The following AVEN variants were observed in gnomAD, a reference collection of about 807,000 sequenced individuals.
The protein encoded by AVEN is apoptosis and caspase activation inhibitor.
A neutral mutation model predicts 38.1 loss-of-function variants in AVEN; 41 were observed. The ratio of observed to expected loss-of-function variants is 1.08; its 90% confidence interval spans 0.84 to 1.40. The LOEUF is 1.40. Among genes scored for constraint, AVEN ranks in the 40% most tolerant of loss-of-function variants. The probability of loss-of-function intolerance (pLI) is 0.00; values close to 1 mark genes in which losing one functional copy is unlikely to be tolerated. For missense variants in AVEN, 605 were observed against 438.8 expected (o/e 1.38, Z -3.38); for synonymous variants, 206 against 171.8 (o/e 1.20, Z -1.56).
At chr15:34,058,440 A>AAACTAAG (rs1020896814) in intron 5 of AVEN, among the ~76,000 whole-genome samples, 1 of 152,094 alleles carries the variant, frequency 6.6e-6, no homozygotes, top group African/African-American at 2.4e-5. Context: ...CAACAAACCT[A>AAACTAAG]AACTAAGTTG....
At chr15:33,885,423 T>C (rs1051349352) in intron 2 of AVEN, among the ~76,000 whole-genome samples, 1 of 152,192 alleles carries the variant, frequency 6.6e-6, no homozygotes, top group Non-Finnish European at 1.5e-5. Flanking sequence ...GATTCAGCCT[T>C]TGTAGATGCA....
intron 1 of AVEN, among the ~76,000 whole-genome samples, chr15:34,034,352 G>A (rs1443526097): frequency 1.3e-5 from 2 of 151,418 alleles, no homozygotes; most frequent in East Asian, 1.9e-4. Flanking sequence ...GAGATGGGAG[G>A]ATCCCTTGAG....
At chr15:34,025,994 G>A (rs2632079) in intron 1 of AVEN, among the ~76,000 whole-genome samples, 95,370 of 151,976 alleles carry the variant, frequency 0.63, 34,918 homozygotes, top group Non-Finnish European at 0.82. Flanking sequence ...TTGTAGAATC[G>A]TCTTTTCAAA....
In AVEN at chr15:34,010,522, G is replaced by A. The variant is rs138624738; in HGVS notation, c.268-7313C>T. 4.2e-3 allele frequency among the ~76,000 whole-genome samples: 632 copies of A among 152,152 alleles called. 5 individuals are homozygous for A. The highest frequency in any genetic ancestry group is 0.014 in the African/African-American group (580 of 41,524). On this transcript the variant is annotated intron_variant, in intron 1 of 5. Coordinates refer to ENST00000306730, the MANE Select transcript of AVEN (RefSeq NM_020371.3). ...AGGTCCCTGGTTCTACTTTCTTCTG[G>A]AGCAAAAAGGTATAGAAAAGGCTTT...
chr15:34,057,129 TTG>T (rs1491538825), intron 5 of AVEN, among the ~76,000 whole-genome samples: 3 of 50,610 alleles, frequency 5.9e-5, no homozygotes, highest in Admixed American at 2.1e-4. Context: ...GAGAAGAGTT[TTG>T]GTTTTTTTTG....
rs33928063 is a variant in AVEN at position 33,918,458 on chromosome 15, C to CTTTTTTTTTTT, written c.446-42474_446-42464dup. 1.3e-4 allele frequency among the ~76,000 whole-genome samples: 11 copies of CTTTTTTTTTTT among 84,504 alleles called. 2 individuals carry two copies. In the South Asian group the frequency reaches 2.8e-3, roughly 21 times the overall value. 55.4% of individuals were successfully genotyped at this position (84,504 alleles called of 152,430 possible). A position where few individuals can be genotyped will look rare whatever the true frequency, so the allele number is the denominator to read the frequency against. On this transcript the variant is annotated intron_variant, in intron 2 of 5. Coordinates refer to ENST00000306730, the MANE Select transcript of AVEN (RefSeq NM_020371.3). ...GTGTCTTCCCAGTCTTAAATTACAG[C>CTTTTTTTTTTT]TTTTTTTTTTTTTTTTTTTTTTTTT...
rs1274150306 is a variant in AVEN at position 33,866,427 on chromosome 15, C to A, written c.*186G>T. On this transcript the variant is annotated 3_prime_UTR_variant, in exon 6 of 6. Coordinates refer to ENST00000306730, the MANE Select transcript of AVEN (RefSeq NM_020371.3). The stretch of plus-strand genomic sequence containing the variant: ...GATTACTAAGCCAGAAAAACAAATG[C>A]AACAAGCTGCTTCAATGTATTCTTT... The A allele has an allele frequency of 1.2e-5, 7 of 587,200 alleles. No homozygotes were observed. Among genetic ancestry groups the A allele is most frequent in the Non-Finnish European group, 1.8e-5 (6 of 331,768 alleles). The allele number at this position is 587,200 out of a possible 1,614,324, so 36.4% of individuals were successfully genotyped here. A position where few individuals can be genotyped will look rare whatever the true frequency, so the allele number is the denominator to read the frequency against.
intron 2 of AVEN, among the ~76,000 whole-genome samples, chr15:34,001,775 C>T (rs1343198122): frequency 1.3e-5 from 2 of 152,152 alleles, no homozygotes; most frequent in Non-Finnish European, 2.9e-5. Flanking sequence ...CGGAAAAGCA[C>T]ATTCTATTAA....
At chr15:34,055,102 G>A (rs1312677240) in intron 5 of AVEN, among the ~76,000 whole-genome samples, 1 of 151,690 alleles carries the variant, frequency 6.6e-6, no homozygotes, top group Non-Finnish European at 1.5e-5. Context: ...TGAGGCAGGA[G>A]AATCACTTGA....
At chr15:33,937,208 T>C (rs1010938768) in intron 2 of AVEN, among the ~76,000 whole-genome samples, 2 of 149,990 alleles carry the variant, frequency 1.3e-5, no homozygotes, top group Admixed American at 6.7e-5. Flanking sequence ...CTGATTCAAT[T>C]AGATGCTGGG....
intron 1 of AVEN, among the ~76,000 whole-genome samples, chr15:34,033,701 G>C (rs1898971194): frequency 6.6e-6 from 1 of 152,110 alleles, no homozygotes; most frequent in Non-Finnish European, 1.5e-5. Context: ...TGTTGAATAA[G>C]GTTCTGTGGG....
At chr15:33,913,748 A>G (rs1184405866) in intron 2 of AVEN, among the ~76,000 whole-genome samples, 1 of 152,234 alleles carries the variant, frequency 6.6e-6, no homozygotes, top group Non-Finnish European at 1.5e-5. Context: ...TAAAGTCAAG[A>G]GCAAGGTAAG....
intron 2 of AVEN, among the ~76,000 whole-genome samples, chr15:33,986,524 G>T (rs973998912): frequency 6.6e-6 from 1 of 152,090 alleles, no homozygotes. Context: ...AAAGTAAGAG[G>T]TAAAGAAAGC....
At chr15:34,072,566 G>GC (rs1567498043) in intron 1 of AVEN, among the ~76,000 whole-genome samples, 3 of 108 alleles carry the variant, frequency 0.028, no homozygotes, top group Non-Finnish European at 0.25. Flanking sequence ...GTCAAGATCT[G>GC]GCCACTGCAC....
chr15:34,038,787 C>A lies in AVEN; in HGVS notation c.260G>T (p.Ser87Ile). 1 of 1,184,386 alleles carries A rather than the reference C, an allele frequency of 8.4e-7. No individual in the cohort carries two copies. Among genetic ancestry groups the A allele is most frequent in the Non-Finnish European group, 1.0e-6 (1 of 957,762 alleles). The allele number at this position is 1,184,386 out of a possible 1,614,324, so 73.4% of individuals were successfully genotyped here. A position where few individuals can be genotyped will look rare whatever the true frequency, so the allele number is the denominator to read the frequency against. ...CCAGCCGTCGCCTCTTACCGGCGCG[C>A]TGGCCCCTGCGCCCCAGCCTCCCGG... is the stretch of plus-strand genomic sequence containing the variant. ...REPGGWGAGA[S>I]APVEDDSDAE... Residue 87 changes from serine to isoleucine, a missense_variant, in exon 1 of 6, where the codon AGC (serine) becomes ATC (isoleucine). By Grantham distance (142) the Ser-to-Ile change is moderately radical. Coordinates refer to ENST00000306730, the MANE Select transcript of AVEN (RefSeq NM_020371.3).
intron 11 of AVEN, chr15:33,859,691 T>C (rs1440955268): frequency 1.2e-6 from 2 of 1,613,346 alleles, no homozygotes; most frequent in Admixed American, 3.3e-5. Context: ...ACATTACCTT[T>C]TTCTTCTTCG....
intron 1 of AVEN, among the ~76,000 whole-genome samples, chr15:34,008,950 G>GCA (rs1491109996): frequency 0.093 from 2,193 of 23,508 alleles, 39 homozygotes; most frequent in South Asian, 0.19. Context: ...ACACGTGCGC[G>GCA]CGCGCACACA....
At position 33,867,349 on chromosome 15, in the gene AVEN, G is replaced by A. The variant is rs533975083; in HGVS notation, c.973+146C>T. On this transcript the variant is annotated intron_variant, in intron 5 of 5. Coordinates refer to ENST00000306730, the MANE Select transcript of AVEN (RefSeq NM_020371.3). ...AAAGGTCAGCTCAGGGGGAAGCAGA[G>A]ACGTGAGCACAGAAATAGATGTCAG... 4.3e-6 allele frequency: 5 copies of A among 1,175,694 alleles called. No homozygotes were observed. The African/African-American group carries it at 7.7e-5, about 18-fold the overall frequency. The allele number at this position is 1,175,694 out of a possible 1,614,324, so 72.8% of individuals were successfully genotyped here. A position where few individuals can be genotyped will look rare whatever the true frequency, so the allele number is the denominator to read the frequency against.
intron 3 of AVEN, among the ~76,000 whole-genome samples, chr15:33,872,270 C>T (rs1233548469): frequency 1.3e-5 from 2 of 152,238 alleles, no homozygotes; most frequent in Admixed American, 6.5e-5. Context: ...CCTGAAGCTT[C>T]CTCTCTGGCC....
Sources: allele counts gnomAD v4.1 joint callset (sites outside exome capture counted in the v4.1 genomes callset), GRCh38; gene constraint gnomAD v4.1.1; transcripts MANE v1.5; gene names NCBI Gene and HGNC (gene_info 2026-07-23, HGNC 2026-07-21).